TWIST2: variants seen among roughly 807,000 people sequenced by gnomAD.
TWIST2 encodes twist-related protein 2.
Under a neutral mutation model 11.6 loss-of-function variants are expected in TWIST2, and 1 was observed. The ratio of observed to expected loss-of-function variants is 0.09; its 90% confidence interval spans 0.03 to 0.41. The LOEUF (loss-of-function observed/expected upper bound fraction) is 0.41. TWIST2 is among the 10% of genes least tolerant of loss of function. The pLI is 0.98. For missense variants in TWIST2, 168 were observed against 226.4 expected, an observed-to-expected ratio of 0.74 and a Z score of 1.66; for synonymous variants, 87 against 96.6, an observed-to-expected ratio of 0.90 and a Z score of 0.58.
intron 1 of TWIST2, among the ~76,000 whole-genome samples, chr2:238,855,211 A>G (rs894953212): frequency 1.3e-5 from 2 of 152,332 alleles, no homozygotes; most frequent in Admixed American, 6.5e-5. Flanking sequence ...GTCTTGATAC[A>G]TAACAGAATA....
chr2:238,872,830 C>T lies in TWIST2; in HGVS notation c.*35+24097C>T, dbSNP rs1285062977. ...GGCATACGGCCCAGAGGCACACGCT[C>T]CGCAGATGGTTTTGCGTAGCTGGTA... is the stretch of plus-strand genomic sequence containing the variant. On this transcript the variant is annotated intron_variant, in intron 1 of 1. Transcript: ENST00000612363. Among the ~76,000 whole-genome samples, 3 of 152,220 alleles carry T rather than the reference C, an allele frequency of 2.0e-5. No homozygotes were observed. In the East Asian group the frequency reaches 5.8e-4, roughly 29 times the overall value.
In TWIST2 at chr2:238,863,167, C is replaced by T. The variant is rs536767382; in HGVS notation, c.*35+14434C>T. Among the ~76,000 whole-genome samples, 27 of 152,166 alleles carry T rather than the reference C, an allele frequency of 1.8e-4. No homozygotes were observed. In the South Asian group the frequency reaches 5.6e-3, roughly 32 times the overall value. The stretch of plus-strand genomic sequence containing the variant: ...TGGCAGGCACATGCTGACCGACCCT[C>T]CCTCCAGAGAAGGGCAACTACTCCC... On this transcript the variant is annotated intron_variant, in intron 1 of 1. Transcript: ENST00000612363. This position sits in a 1 kb window ranked among gnomAD's most constrained non-coding sequence, Gnocchi z 4.7.
At chr2:238,875,153 T>G (rs2106361856) in intron 1 of TWIST2, among the ~76,000 whole-genome samples, 1 of 152,154 alleles carries the variant, frequency 6.6e-6, no homozygotes, top group Middle Eastern at 3.4e-3. Flanking sequence ...TCTTAAATGG[T>G]TTGACCCAAC....
rs975615291 is a variant in TWIST2 at position 238,907,997 on chromosome 2, C to T, written c.*36-1845C>T. Among the ~76,000 whole-genome samples the T allele has an allele frequency of 6.5e-4, 98 of 150,172 alleles. 1 individual carries two copies. Among genetic ancestry groups the T allele is most frequent in the East Asian group, 3.2e-3 (16 of 5,018 alleles). On this transcript the variant is annotated intron_variant, in intron 1 of 1. Transcript: ENST00000612363. ...ACACACACACCCCACATTGTACATA[C>T]GCACCACATACACAAACACATACCA...
At chr2:238,868,499 C>T (rs1027357143) in intron 1 of TWIST2, among the ~76,000 whole-genome samples, 3 of 152,176 alleles carry the variant, frequency 2.0e-5, no homozygotes, top group Admixed American at 2.0e-4. Flanking sequence ...AGGGGTATGG[C>T]CAGACGGATC....
In TWIST2 at chr2:238,867,411, A is replaced by ACACACACC. The variant is rs751874652; in HGVS notation, c.*35+18679_*35+18680insACACACCC. 6.9e-6 allele frequency among the ~76,000 whole-genome samples: 1 copy of ACACACACC among 144,892 alleles called. No homozygotes were observed. Among genetic ancestry groups the ACACACACC allele is most frequent in the Non-Finnish European group, 1.5e-5 (1 of 65,710 alleles). The stretch of plus-strand genomic sequence containing the variant: ...CACACACACACACACACACACACAC[A>ACACACACC]CTCCTCAGTAAAATACCCAGTTCTC... On this transcript the variant is annotated intron_variant, in intron 1 of 1. Coordinates refer to ENST00000612363, the MANE Select transcript of TWIST2 (RefSeq NM_001271893.4). The surrounding 1 kb of genome is among the most constrained non-coding windows in gnomAD (Gnocchi z 4.8).
chr2:238,869,239 G>A (rs1243116655), intron 1 of TWIST2, among the ~76,000 whole-genome samples: 1 of 152,212 alleles, frequency 6.6e-6, no homozygotes, highest in East Asian at 1.9e-4. Flanking sequence ...GCTGGCACAG[G>A]CCACTGCAGC....
intron 1 of TWIST2, among the ~76,000 whole-genome samples, chr2:238,898,162 G>A (rs956781968): frequency 1.3e-5 from 2 of 152,232 alleles, no homozygotes; most frequent in Non-Finnish European, 1.5e-5. Context: ...GGCCAGCCCC[G>A]AGCAGGGAGC....
chr2:238,886,507 G>T (rs558677992), intron 1 of TWIST2, among the ~76,000 whole-genome samples: 7 of 152,148 alleles, frequency 4.6e-5, no homozygotes, highest in Middle Eastern at 3.4e-3. Flanking sequence ...CCATGTGTAC[G>T]TGGTATTCCC....
intron 1 of TWIST2, among the ~76,000 whole-genome samples, chr2:238,895,613 G>T (rs920222637): frequency 0.084 from 12,855 of 152,256 alleles, 581 homozygotes; most frequent in Non-Finnish European, 0.11. Context: ...GTCTCTGAAA[G>T]TTGGGAGCGG....
At chr2:238,884,617 C>T (rs1319535260) in intron 1 of TWIST2, among the ~76,000 whole-genome samples, 1 of 152,218 alleles carries the variant, frequency 6.6e-6, no homozygotes, top group East Asian at 1.9e-4. Context: ...TCACACCTGC[C>T]AGGGGGCTGG....
chr2:238,874,969 A>G (rs559596307), intron 1 of TWIST2, among the ~76,000 whole-genome samples: 13 of 152,296 alleles, frequency 8.5e-5, no homozygotes, highest in Admixed American at 3.3e-4. Flanking sequence ...GACTTCATAT[A>G]GAGTGCACAA....
chr2:238,887,348 T>G (rs1204207127), intron 1 of TWIST2: 2 of 152,158 alleles, frequency 1.3e-5, no homozygotes, highest in Non-Finnish European at 2.9e-5. Flanking sequence ...AGTATCTCGC[T>G]CTCTCTGTCT....
intron 1 of TWIST2, among the ~76,000 whole-genome samples, chr2:238,904,336 A>G (rs1313483405): frequency 2.9e-4 from 20 of 67,948 alleles, no homozygotes; most frequent in South Asian, 1.0e-3. Flanking sequence ...GTGATATGGG[A>G]TGTGTGATGT....
chr2:238,876,288 T>G (rs918748390), intron 1 of TWIST2, among the ~76,000 whole-genome samples: 4 of 152,104 alleles, frequency 2.6e-5, no homozygotes, highest in African/African-American at 9.7e-5. Context: ...CCTAAGGAGT[T>G]TGAAATTAGG....
intron 1 of TWIST2, among the ~76,000 whole-genome samples, chr2:238,858,980 G>A (rs1439786422): frequency 6.6e-6 from 1 of 152,188 alleles, no homozygotes; most frequent in African/African-American, 2.4e-5. Context: ...GGGAGGCTGA[G>A]GCGGGTGGAT....
In TWIST2 at chr2:238,885,471, G is replaced by A. The variant is rs142967061; in HGVS notation, c.*36-24371G>A. 3.2e-4 allele frequency among the ~76,000 whole-genome samples: 48 copies of A among 152,344 alleles called. No homozygotes were observed. The East Asian group carries it at 8.3e-3, about 26-fold the overall frequency. On this transcript the variant is annotated intron_variant, in intron 1 of 1. Coordinates refer to ENST00000612363, the MANE Select transcript of TWIST2 (RefSeq NM_001271893.4). ...TGCTATTTCTTGCTAGCTATCTACT[G>A]TCCTTGACGTCTACTGCGTCAGCCA...
chr2:238,898,589 G>A (rs1693233619), intron 1 of TWIST2, among the ~76,000 whole-genome samples: 1 of 152,234 alleles, frequency 6.6e-6, no homozygotes, highest in Non-Finnish European at 1.5e-5. Flanking sequence ...GGCGCAATGT[G>A]GGCGAGAGCT....
chr2:238,850,594 C>T (rs1396831625), intron 1 of TWIST2, among the ~76,000 whole-genome samples: 1 of 152,132 alleles, frequency 6.6e-6, no homozygotes, highest in Non-Finnish European at 1.5e-5. Context: ...ATTTAAAATT[C>T]ATTTAAAAAT....
Sources: allele counts gnomAD v4.1 joint callset (sites outside exome capture counted in the v4.1 genomes callset), GRCh38; gene constraint gnomAD v4.1.1; non-coding constraint Gnocchi (gnomAD v3.1); transcripts MANE v1.5; gene names NCBI Gene and HGNC (gene_info 2026-07-23, HGNC 2026-07-21).